The following OPCML variants were observed in gnomAD, a reference collection of about 807,000 sequenced individuals.
OPCML encodes the protein opioid-binding protein/cell adhesion molecule.
Under a neutral mutation model 37.8 loss-of-function variants are expected in OPCML, and 13 were observed. The ratio of observed to expected loss-of-function variants is 0.34; its 90% CI spans 0.22 to 0.55. The LOEUF (loss-of-function observed/expected upper bound fraction) is 0.55. OPCML is among the 20% of genes least tolerant of loss of function. The pLI is 0.91. For missense variants in OPCML, 341 were observed against 435.6 expected (o/e 0.78, Z 1.93); for synonymous variants, 176 against 168.8 (o/e 1.04, Z -0.33).
chr11:133,301,988 G>A (rs537964436), intron 1 of OPCML: 1 of 152,120 alleles, frequency 6.6e-6, no homozygotes, highest in African/African-American at 2.4e-5. Context: ...TTTTGTTGGA[G>A]ACATAAAAAG....
chr11:132,829,290 C>T lies in OPCML; in HGVS notation c.146+113636G>A, dbSNP rs78232367. Among the ~76,000 whole-genome samples the T allele has an allele frequency of 7.7e-3, 1,171 of 152,278 alleles. 9 individuals are homozygous for T. Among genetic ancestry groups the T allele is most frequent in the Admixed American group, 0.012 (183 of 15,290 alleles). The stretch of plus-strand genomic sequence containing the variant: ...CATAGCAGCTAGGATATAGTAGGTG[C>T]TTATCATATGCTAAGTGTCTCATAG... On this transcript the variant is annotated intron_variant, in intron 2 of 7. Coordinates refer to ENST00000524381, the MANE Select transcript of OPCML (RefSeq NM_001012393.5).
In OPCML at chr11:132,501,698, G is replaced by A. The variant is rs538775365; in HGVS notation, c.505+27363C>T. ...TTCTCACCTTCTACCATTATCAAGG[G>A]CTGATTTTCTCCATCAACATAGAAT... On this transcript the variant is annotated intron_variant, in intron 4 of 7. Coordinates refer to ENST00000524381, the MANE Select transcript of OPCML (RefSeq NM_001012393.5). 9.2e-5 allele frequency among the ~76,000 whole-genome samples: 14 copies of A among 152,288 alleles called. 1 individual carries two copies. The South Asian group carries it at 2.9e-3, about 32-fold the overall frequency.
In OPCML at chr11:132,436,763, T is replaced by C; in HGVS notation, c.660A>G (p.Ser220=). ...KITVNYPPYI[S]KAKNTGVSVG... ...CTGAAACACCAGTGTTCTTGGCTTTTGAGATATAGGGAGGATCTGTGGGAA... is the reference window on the plus strand; with the variant it reads ...CTGAAACACCAGTGTTCTTGGCTTTCGAGATATAGGGAGGATCTGTGGGAA... Residue 220 remains serine, a synonymous_variant, in exon 6 of 8, where the codon TCA becomes TCG. Transcript: ENST00000524381. 1 of 1,613,400 alleles carries C rather than the reference T, an allele frequency of 6.2e-7. No homozygotes were observed. The highest frequency in any genetic ancestry group is 2.2e-5 in the East Asian group (1 of 44,858).
intron 7 of OPCML, among the ~76,000 whole-genome samples, chr11:132,421,177 G>A (rs2095957678): frequency 6.6e-6 from 1 of 152,178 alleles, no homozygotes; most frequent in Non-Finnish European, 1.5e-5. Context: ...TGGACCAGGT[G>A]TTCCTCCATC....
At chr11:133,346,816 A>G (rs1199064893) in intron 1 of OPCML, among the ~76,000 whole-genome samples, 1 of 152,108 alleles carries the variant, frequency 6.6e-6, no homozygotes, top group African/African-American at 2.4e-5. Context: ...GATGTTAGCT[A>G]TGGGGTTTTC....
At chr11:132,478,057 T>C (rs2096163426) in intron 4 of OPCML, among the ~76,000 whole-genome samples, 1 of 152,182 alleles carries the variant, frequency 6.6e-6, no homozygotes, top group Non-Finnish European at 1.5e-5. Context: ...ATTAGCAAGT[T>C]AGAAATTCAG....
At chr11:132,880,705 A>G (rs1294970118) in intron 2 of OPCML, among the ~76,000 whole-genome samples, 1 of 152,256 alleles carries the variant, frequency 6.6e-6, no homozygotes, top group Non-Finnish European at 1.5e-5. Flanking sequence ...AGTAATTACT[A>G]GAGATTACTA....
At chr11:132,544,915 G>A (rs1316930032) in intron 3 of OPCML, among the ~76,000 whole-genome samples, 1 of 152,144 alleles carries the variant, frequency 6.6e-6, no homozygotes, top group African/African-American at 2.4e-5. Flanking sequence ...CCTTGAGAAG[G>A]AAAGGACCGC....
chr11:133,045,938 C>A (rs779936933), intron 1 of OPCML, among the ~76,000 whole-genome samples: 2 of 152,152 alleles, frequency 1.3e-5, no homozygotes, highest in South Asian at 4.1e-4. Context: ...TGAGCCAAGT[C>A]GTTGACAGTC....
At chr11:133,514,509 T>C (rs1461889895) in intron 1 of OPCML, among the ~76,000 whole-genome samples, 2 of 152,220 alleles carry the variant, frequency 1.3e-5, no homozygotes, top group African/African-American at 2.4e-5. Context: ...TGCAGGGAGA[T>C]ACAGGGTACT....
Position 132,967,264 on chromosome 11 carries a change from T to C in OPCML, c.62-24254A>G, listed in dbSNP as rs1389101141. ...CAGATTTATACTTACTTAATGCCAG[T>C]GAGACATAGAAATATTATTTCTATA... On this transcript the variant is annotated intron_variant, in intron 1 of 7. Transcript: ENST00000524381. Among the ~76,000 whole-genome samples the C allele has an allele frequency of 2.0e-5, 3 of 152,120 alleles. No individual in the cohort carries two copies. In the East Asian group the frequency reaches 5.8e-4, roughly 29 times the overall value.
chr11:133,073,584 G>C (rs1948577808), intron 1 of OPCML, among the ~76,000 whole-genome samples: 1 of 152,218 alleles, frequency 6.6e-6, no homozygotes, highest in Non-Finnish European at 1.5e-5. Context: ...CTCCTTGGGG[G>C]TAAGAGTTAC....
intron 2 of OPCML, among the ~76,000 whole-genome samples, chr11:132,912,306 T>C (rs1944453225): frequency 6.6e-6 from 1 of 152,170 alleles, no homozygotes; most frequent in Non-Finnish European, 1.5e-5. Context: ...GCAAATTCAA[T>C]AGGTGACCAA....
At chr11:132,980,926 A>G (rs1946568147) in intron 1 of OPCML, among the ~76,000 whole-genome samples, 1 of 152,244 alleles carries the variant, frequency 6.6e-6, no homozygotes, top group Non-Finnish European at 1.5e-5. Context: ...CCATTAGGCA[A>G]TCCTGTCATT....
rs1432934635 is a variant in OPCML at position 132,539,770 on chromosome 11, C to T, written c.380-10584G>A. On this transcript the variant is annotated intron_variant, in intron 3 of 7. Coordinates refer to ENST00000524381, the MANE Select transcript of OPCML (RefSeq NM_001012393.5). ...GTGATGATAATGGTGATGATGATAA[C>T]GACAGTGATGACAATAGTAATGACG... is the stretch of plus-strand genomic sequence containing the variant. Among the ~76,000 whole-genome samples the T allele has an allele frequency of 2.6e-5, 4 of 151,208 alleles. No homozygotes were observed. In the East Asian group the frequency reaches 5.8e-4, roughly 22 times the overall value.
chr11:132,617,689 G>T (rs1307055481), intron 3 of OPCML, among the ~76,000 whole-genome samples: 2 of 152,234 alleles, frequency 1.3e-5, no homozygotes, highest in Non-Finnish European at 2.9e-5. Context: ...TGGCATCAAG[G>T]TTGGCATCTG....
chr11:133,002,805 T>C (rs1444829492), intron 1 of OPCML, among the ~76,000 whole-genome samples: 1 of 151,786 alleles, frequency 6.6e-6, no homozygotes, highest in Admixed American at 6.6e-5. Context: ...GAAGAGAGAT[T>C]GATCGTAGGT....
At chr11:132,451,453 G>A (rs1404086347) in intron 4 of OPCML, among the ~76,000 whole-genome samples, 1 of 152,226 alleles carries the variant, frequency 6.6e-6, no homozygotes, top group Non-Finnish European at 1.5e-5. Context: ...GAACACTCTA[G>A]AAGGCCTGGG....
chr11:133,427,180 C>T (rs1284313676), intron 1 of OPCML, among the ~76,000 whole-genome samples: 3 of 151,964 alleles, frequency 2.0e-5, no homozygotes, highest in African/African-American at 4.8e-5. Context: ...CAAGTGACCA[C>T]GGACCTTATA....
Sources: gnomAD v4.1 joint callset for allele counts (sites outside exome capture counted in the v4.1 genomes callset) on GRCh38, gnomAD v4.1.1 for gene constraint, MANE v1.5 for transcripts, NCBI Gene and HGNC (gene_info 2026-07-23, HGNC 2026-07-21) for gene names.